DYNC2H1: variants seen among roughly 807,000 people sequenced by gnomAD.
DYNC2H1 encodes the protein dynein cytoplasmic 2 heavy chain 1, also known as cytoplasmic dynein 2 heavy chain 1.
A neutral mutation model predicts 570.0 loss-of-function variants in DYNC2H1; 410 were observed. That is an observed-to-expected ratio of 0.72 (90% CI 0.66 to 0.78). DYNC2H1 has a LOEUF of 0.78. Among genes scored for constraint, DYNC2H1 ranks in the 30% least tolerant of loss-of-function variants. The probability of loss-of-function intolerance (pLI) is 0.00; values close to 1 mark genes in which losing one functional copy is unlikely to be tolerated. For synonymous variants in DYNC2H1, 1,688 were observed against 1,677.6 expected, an observed-to-expected ratio of 1.01 and a Z score of -0.15; for missense variants, 4,865 against 5,046.4, an observed-to-expected ratio of 0.96 and a Z score of 1.09.
At chr11:103,123,046 T>C (rs911291201) in intron 11 of DYNC2H1, 46 bp downstream of exon 11, 3 of 1,249,776 alleles carry the variant, frequency 2.4e-6, no homozygotes, top group Non-Finnish European at 3.1e-6. Context: ...CCATATGTTA[T>C]TAATCCAAAT....
intron 18 of DYNC2H1, 61 bp from the exon 19 acceptor site, chr11:103,147,711 G>A: frequency 1.1e-6 from 1 of 952,136 alleles, no homozygotes; most frequent in South Asian, 1.5e-5. Flanking sequence ...AATATTATAT[G>A]AGACTCTTTT....
At chr11:103,423,064 AC>A (rs1319450289) in intron 84 of DYNC2H1, among the ~76,000 whole-genome samples, 1 of 81,246 alleles carries the variant, frequency 1.2e-5, no homozygotes. Flanking sequence ...TTTTATGAAA[AC>A]GAGAAAAAAA....
rs11607962 is a variant in DYNC2H1, at chr11:103,201,133, C to G, written c.8197+979C>G. On this transcript the variant is annotated intron_variant, in intron 50 of 88. Transcript: ENST00000375735. The surrounding 1 kb of genome is among the most constrained non-coding windows in gnomAD (Gnocchi z 4.8). ...TGAGCCACCGCGTCTGGCCAGTAAT[C>G]TTGTTTTTTAAAAGAAGAAATTAAA... 0.015 allele frequency among the ~76,000 whole-genome samples: 2,271 copies of G among 152,046 alleles called. 26 individuals carry two copies. The highest frequency in any genetic ancestry group is 0.031 in the Middle Eastern group (9 of 294).
At chr11:103,121,719 G>A (rs1858721612) in intron 10 of DYNC2H1, among the ~76,000 whole-genome samples, 1 of 152,120 alleles carries the variant, frequency 6.6e-6, no homozygotes. Context: ...TCCAATTGCA[G>A]TTGTTCCAAA....
At chr11:103,301,533 C>T (rs555979774) in intron 75 of DYNC2H1, among the ~76,000 whole-genome samples, 6 of 151,888 alleles carry the variant, frequency 4.0e-5, no homozygotes, top group East Asian at 1.9e-4. Flanking sequence ...AAATTGCTAA[C>T]AATTGAATAG....
At chr11:103,210,180 G>T (rs1863096509) in intron 53 of DYNC2H1, among the ~76,000 whole-genome samples, 1 of 151,870 alleles carries the variant, frequency 6.6e-6, no homozygotes, top group Non-Finnish European at 1.5e-5. Flanking sequence ...TATCTACTGT[G>T]TGAGTTCAAG....
In DYNC2H1 at chr11:103,437,212, C is replaced by G. The variant is rs563094467; in HGVS notation, c.12456+1180C>G. Among the ~76,000 whole-genome samples the G allele has an allele frequency of 7.8e-4, 119 of 152,218 alleles. 2 individuals are homozygous for G. The South Asian group carries it at 0.022, about 29-fold the overall frequency. ...TGACCACTTGAAAATTCCTGTCCTT[C>G]TCTCTCATCTACAAATTTGTTTGAA... On this transcript the variant is annotated intron_variant, in intron 85 of 88. Coordinates refer to ENST00000375735, the MANE Select transcript of DYNC2H1 (RefSeq NM_001377.3).
chr11:103,377,898 G>T (rs1013168954), intron 83 of DYNC2H1, among the ~76,000 whole-genome samples: 1 of 151,250 alleles, frequency 6.6e-6, no homozygotes, highest in Admixed American at 6.6e-5. Flanking sequence ...CATCACACCC[G>T]GCTAATTTTT....
At position 103,150,428 on chromosome 11, in the gene DYNC2H1, G is replaced by A. The variant is rs528346314; in HGVS notation, c.2947-1708G>A. Among the ~76,000 whole-genome samples the A allele has an allele frequency of 4.2e-4, 64 of 152,210 alleles. No homozygotes were observed. The South Asian group carries it at 8.9e-3, about 21-fold the overall frequency. On this transcript the variant is annotated intron_variant, in intron 20 of 88. Transcript: ENST00000375735. Reference sequence around the variant, plus strand: ...CTCCACTGATTGATGATGTATAGGGGTGGGTGTGGTTAGAGGAAGATAAAT... The same window carrying A: ...CTCCACTGATTGATGATGTATAGGGATGGGTGTGGTTAGAGGAAGATAAAT...
chr11:103,220,598 T>C (rs1863548010), intron 56 of DYNC2H1, 25 bp from the exon 57 acceptor site: 1 of 1,557,700 alleles, frequency 6.4e-7, no homozygotes, highest in Non-Finnish European at 8.7e-7. Context: ...AATTTGAAGA[T>C]AAAAATGGCC....
At chr11:103,388,070 T>C (rs1941969361) in intron 83 of DYNC2H1, among the ~76,000 whole-genome samples, 1 of 152,222 alleles carries the variant, frequency 6.6e-6, no homozygotes, top group Non-Finnish European at 1.5e-5. Flanking sequence ...GGGGATGGCA[T>C]TGAATCTATA....
chr11:103,314,687 CTGT>C (rs1440108843), intron 79 of DYNC2H1, among the ~76,000 whole-genome samples: 1 of 151,790 alleles, frequency 6.6e-6, no homozygotes, highest in Non-Finnish European at 1.5e-5. Context: ...TCATACCATA[CTGT>C]TGTTGTCATA....
chr11:103,285,235 G>C (rs1272504679), intron 73 of DYNC2H1, among the ~76,000 whole-genome samples: 1 of 152,046 alleles, frequency 6.6e-6, no homozygotes, highest in African/African-American at 2.4e-5. Flanking sequence ...GGACAAGTGG[G>C]AATTTGTACC....
intron 84 of DYNC2H1, among the ~76,000 whole-genome samples, chr11:103,427,399 C>T (rs1943710046): frequency 6.6e-6 from 1 of 152,100 alleles, no homozygotes; most frequent in African/African-American, 2.4e-5. Flanking sequence ...TAATGATAAA[C>T]TTACCTTCGT....
intron 2 of DYNC2H1, 67 bp downstream of exon 2, chr11:103,113,774 A>G (rs1858233693): frequency 3.2e-6 from 4 of 1,252,840 alleles, no homozygotes; most frequent in Non-Finnish European, 4.3e-6. Context: ...ATAAACATAA[A>G]TATCTATTTT....
At chr11:103,124,993 C>G (rs1456803776) in intron 11 of DYNC2H1, 107 bp from the exon 12 acceptor site, 21 of 761,648 alleles carry the variant, frequency 2.8e-5, no homozygotes, top group Non-Finnish European at 4.0e-5. Flanking sequence ...TTTTTTTTTA[C>G]TTTGAGCTAA....
At chr11:103,220,842 A>C (rs921826066) in intron 57 of DYNC2H1, 59 bp downstream of exon 57, 4 of 1,468,828 alleles carry the variant, frequency 2.7e-6, no homozygotes, top group Non-Finnish European at 3.7e-6. Context: ...ATTCTTTCGT[A>C]GTTTTAAATA....
chr11:103,304,997 GTTTC>G (rs1477395573), intron 77 of DYNC2H1, among the ~76,000 whole-genome samples: 2 of 152,118 alleles, frequency 1.3e-5, no homozygotes, highest in Admixed American at 6.6e-5. Flanking sequence ...TATACCATGA[GTTTC>G]TTTTTTTGCT....
At chr11:103,358,533 T>G (rs1426492892) in intron 83 of DYNC2H1, among the ~76,000 whole-genome samples, 174 bp downstream of exon 83, 1 of 152,204 alleles carries the variant, frequency 6.6e-6, no homozygotes, top group Non-Finnish European at 1.5e-5. Flanking sequence ...TTAGTATTTT[T>G]TACTCTCTCT....
Sources: allele counts gnomAD v4.1 joint callset (sites outside exome capture counted in the v4.1 genomes callset), GRCh38; gene constraint gnomAD v4.1.1; non-coding constraint Gnocchi (gnomAD v3.1); transcripts MANE v1.5; gene names NCBI Gene and HGNC (gene_info 2026-07-23, HGNC 2026-07-21).